Variants in FAM168A observed in about 807,000 individuals in gnomAD.
The protein encoded by FAM168A is protein FAM168A.
FAM168A carries 3 observed loss-of-function variants against 28.5 expected under a neutral mutation model. The observed-to-expected ratio is 0.11, with a 90% CI of 0.05 to 0.27. FAM168A has a LOEUF of 0.27. FAM168A is among the 10% of genes least tolerant of loss of function. FAM168A has a pLI of 1.00. For synonymous variants in FAM168A, 122 were observed against 124.2 expected (o/e 0.98, Z 0.12); for missense variants, 222 against 311.5 (o/e 0.71, Z 2.16).
At chr11:73,426,703 C>CTGTGTGTGTATGTGTG (rs1555018089) in intron 3 of FAM168A, among the ~76,000 whole-genome samples, 2 of 144,204 alleles carry the variant, frequency 1.4e-5, no homozygotes, top group African/African-American at 5.1e-5. Flanking sequence ...CCAAAATATG[C>CTGTGTGTGTATGTGTG]TGTGTGTGTG....
chr11:73,538,329 C>CAA (rs1331048860), intron 1 of FAM168A, among the ~76,000 whole-genome samples: 2 of 128,556 alleles, frequency 1.6e-5, no homozygotes, highest in African/African-American at 3.3e-5. Flanking sequence ...ATGCAGGTTC[C>CAA]AAAACAAAAA....
At chr11:73,477,723 A>T (rs1325549966) in intron 1 of FAM168A, among the ~76,000 whole-genome samples, 1 of 152,312 alleles carries the variant, frequency 6.6e-6, no homozygotes, top group Admixed American at 6.5e-5. Context: ...AAGAATTCTA[A>T]ATCCAGCAAA....
chr11:73,557,208 G>C (rs1281734445), intron 1 of FAM168A, among the ~76,000 whole-genome samples: 1 of 152,170 alleles, frequency 6.6e-6, no homozygotes, highest in African/African-American at 2.4e-5. Context: ...GATGAACCTT[G>C]AAGATATTAT....
intron 2 of FAM168A, chr11:73,451,996 T>C (rs957007399): frequency 1.3e-5 from 2 of 152,244 alleles, no homozygotes; most frequent in African/African-American, 4.8e-5. Flanking sequence ...AAAACTTGGA[T>C]AATACAGATT....
chr11:73,571,606 C>T (rs1944090874), intron 1 of FAM168A, among the ~76,000 whole-genome samples: 1 of 151,766 alleles, frequency 6.6e-6, no homozygotes, highest in Non-Finnish European at 1.5e-5. Context: ...CAACCTCCAC[C>T]TCCCAGCCGC....
chr11:73,550,393 C>T (rs572792936), intron 1 of FAM168A, among the ~76,000 whole-genome samples: 3 of 152,324 alleles, frequency 2.0e-5, no homozygotes, highest in East Asian at 3.9e-4. Context: ...GTGGCTCATG[C>T]CTGTAATCCC....
intron 2 of FAM168A, among the ~76,000 whole-genome samples, chr11:73,445,419 C>CTCTTTTTTTTTTTTTTTTTT (rs776745757): frequency 2.0e-5 from 1 of 50,432 alleles, no homozygotes; most frequent in African/African-American, 7.1e-5. Context: ...AAAAATGTCT[C>CTCTTTTTTTTTTTTTTTTTT]TTTTTTTTTT....
intron 1 of FAM168A, among the ~76,000 whole-genome samples, chr11:73,588,526 A>T (rs1353785748): frequency 1.3e-5 from 2 of 152,104 alleles, no homozygotes; most frequent in East Asian, 1.9e-4. Flanking sequence ...TCCCGTCTCT[A>T]TGAAAAACTA....
At chr11:73,492,253 T>A (rs1017077096) in intron 1 of FAM168A, among the ~76,000 whole-genome samples, 14 of 152,146 alleles carry the variant, frequency 9.2e-5, no homozygotes, top group Non-Finnish European at 8.8e-5. Context: ...CAAAAAAGAA[T>A]GCCACACATT....
In FAM168A at chr11:73,521,199, G is replaced by A. The variant is rs528800029; in HGVS notation, c.-18-52707C>T. On this transcript the variant is annotated intron_variant, in intron 1 of 7. Transcript: ENST00000356467. ...TAGCCTATGAATGTTGATTATCTCAGTAAGTGCCACAGTCCTTTCCAGTTA... is the reference window on the plus strand; with the variant it reads ...TAGCCTATGAATGTTGATTATCTCAATAAGTGCCACAGTCCTTTCCAGTTA... Among the ~76,000 whole-genome samples, 7 of 152,314 alleles carry A rather than the reference G, an allele frequency of 4.6e-5. No homozygotes were observed. The South Asian group carries it at 1.2e-3, about 27-fold the overall frequency.
intron 3 of FAM168A, among the ~76,000 whole-genome samples, chr11:73,420,371 T>C (rs963596085): frequency 6.6e-6 from 1 of 152,222 alleles, no homozygotes; most frequent in Admixed American, 6.5e-5. Flanking sequence ...CCTTTGTGTG[T>C]CACCAGATCA....
intron 1 of FAM168A, among the ~76,000 whole-genome samples, chr11:73,576,028 T>C (rs185250499): frequency 6.6e-6 from 1 of 152,356 alleles, no homozygotes; most frequent in Admixed American, 6.5e-5. Flanking sequence ...AATGGGTTGT[T>C]TGGTGTCATG....
At chr11:73,532,743 A>G (rs1020757400) in intron 1 of FAM168A, among the ~76,000 whole-genome samples, 1 of 152,228 alleles carries the variant, frequency 6.6e-6, no homozygotes, top group Non-Finnish European at 1.5e-5. Context: ...TGTTGGTGGC[A>G]TATTTTTTCT....
intron 2 of FAM168A, among the ~76,000 whole-genome samples, chr11:73,461,599 C>G (rs1356437047): frequency 6.6e-6 from 1 of 152,128 alleles, no homozygotes; most frequent in Non-Finnish European, 1.5e-5. Flanking sequence ...CTGGAGATAC[C>G]TGAATGGTAA....
At chr11:73,492,623 G>A (rs534883993) in intron 1 of FAM168A, among the ~76,000 whole-genome samples, 1 of 152,110 alleles carries the variant, frequency 6.6e-6, no homozygotes, top group Admixed American at 6.5e-5. Context: ...CCTGGTGACA[G>A]AGCAAAACCT....
chr11:73,563,627 TA>T (rs1481843361), intron 1 of FAM168A, among the ~76,000 whole-genome samples: 2 of 152,352 alleles, frequency 1.3e-5, no homozygotes, highest in East Asian at 3.9e-4. Flanking sequence ...TTGTTTGGTA[TA>T]GACTAAGTTC....
At chr11:73,506,405 A>C (rs74733095) in intron 1 of FAM168A, among the ~76,000 whole-genome samples, 4 of 152,094 alleles carry the variant, frequency 2.6e-5, no homozygotes, top group African/African-American at 4.8e-5. Flanking sequence ...AAAAAAAAAA[A>C]CCCTCCATAT....
At chr11:73,532,976 T>G (rs116330734) in intron 1 of FAM168A, among the ~76,000 whole-genome samples, 1 of 152,226 alleles carries the variant, frequency 6.6e-6, no homozygotes, top group Admixed American at 6.5e-5. Flanking sequence ...ATGAGAAGTA[T>G]TCCTTACTGC....
intron 2 of FAM168A, among the ~76,000 whole-genome samples, chr11:73,442,810 G>A (rs560110300): frequency 1.4e-4 from 21 of 148,428 alleles, no homozygotes; most frequent in African/African-American, 5.2e-4. Context: ...TGTTGTTCAA[G>A]GCTTCTATTT....
Sources: allele counts gnomAD v4.1 joint callset (sites outside exome capture counted in the v4.1 genomes callset), GRCh38; gene constraint gnomAD v4.1.1; transcripts MANE v1.5; gene names NCBI Gene and HGNC (gene_info 2026-07-23, HGNC 2026-07-21).